Variants in TUSC3 observed in about 807,000 individuals in gnomAD.
The protein encoded by TUSC3 is dolichyl-diphosphooligosaccharide--protein glycosyltransferase subunit TUSC3.
Under a neutral mutation model 44.8 loss-of-function variants are expected in TUSC3, and 45 were observed. That is an observed-to-expected ratio of 1.00 (90% CI 0.79 to 1.29). TUSC3 has a LOEUF of 1.29. Among genes scored for constraint, TUSC3 ranks in the 50% most tolerant of loss-of-function variants. The probability of loss-of-function intolerance (pLI) is 0.00; values close to 1 mark genes in which losing one functional copy is unlikely to be tolerated. For missense variants in TUSC3, 519 were observed against 437.9 expected (o/e 1.19, Z -1.65); for synonymous variants, 212 against 152.9 (o/e 1.39, Z -2.85).
chr8:15,667,436 G>C (rs1455570501), intron 5 of TUSC3, among the ~76,000 whole-genome samples: 1 of 151,592 alleles, frequency 6.6e-6, no homozygotes, highest in Non-Finnish European at 1.5e-5. Flanking sequence ...TGATATGCAT[G>C]TCTGCTGTTA....
At chr8:15,513,713 C>T (rs1801173760) in intron 2 of TUSC3, among the ~76,000 whole-genome samples, 1 of 152,062 alleles carries the variant, frequency 6.6e-6, no homozygotes, top group African/African-American at 2.4e-5. Flanking sequence ...GGTCTACACA[C>T]ATTTTCGCTT....
intron 9 of TUSC3, among the ~76,000 whole-genome samples, chr8:15,753,810 G>A (rs1249722957): frequency 6.6e-6 from 1 of 151,966 alleles, no homozygotes; most frequent in Non-Finnish European, 1.5e-5. Context: ...ACAAAAACCT[G>A]ACAGTACAGG....
intron 1 of TUSC3, among the ~76,000 whole-genome samples, chr8:15,546,927 T>C (rs1801890531): frequency 6.6e-6 from 1 of 151,688 alleles, no homozygotes; most frequent in Non-Finnish European, 1.5e-5. Flanking sequence ...CTTTTTAATG[T>C]TGGAAGGCAC....
chr8:15,778,407 T>G, the TUSC3 span, among the ~76,000 whole-genome samples: 1 of 152,182 alleles, frequency 6.6e-6, no homozygotes, highest in African/African-American at 2.4e-5. Flanking sequence ...TGTTATTGAC[T>G]AATCAGCATC....
chr8:15,673,764 G>A lies in TUSC3; in HGVS notation c.726G>A (p.Met242Ile). ...AMVSLCIVFA[M>I]TSGQMWNHIR... is the part of the protein sequence containing the mutation. Reference sequence around the variant, plus strand: ...TTTTTCAGTGTATAGTCTTTGCTATGACTTCTGGCCAGATGTGGAACCATA... The same window carrying A: ...TTTTTCAGTGTATAGTCTTTGCTATAACTTCTGGCCAGATGTGGAACCATA... Residue 242 changes from methionine (M) to isoleucine (I), a missense_variant, in exon 6 of 11, where the codon ATG becomes ATA. By Grantham distance (10) the Met-to-Ile change is conservative. Coordinates refer to ENST00000503731, the MANE Select transcript of TUSC3 (RefSeq NM_006765.4). 6.2e-7 allele frequency: 1 copy of A among 1,612,734 alleles called. No homozygotes were observed. The highest frequency in any genetic ancestry group is 8.5e-7 in the Non-Finnish European group (1 of 1,179,072).
intron 7 of TUSC3, among the ~76,000 whole-genome samples, chr8:15,737,902 G>A (rs1357766925): frequency 6.6e-6 from 1 of 151,956 alleles, no homozygotes; most frequent in Non-Finnish European, 1.5e-5. Flanking sequence ...TCCCCAAATG[G>A]TAAGTATTAT....
chr8:15,661,642 T>G (rs963493578), intron 4 of TUSC3, among the ~76,000 whole-genome samples: 1 of 152,030 alleles, frequency 6.6e-6, no homozygotes, highest in Non-Finnish European at 1.5e-5. Context: ...TTGGTCCTCC[T>G]TTGTAATTAA....
rs143376839 is a variant in TUSC3 at position 15,571,126 on chromosome 8, G to C, written c.138+30558G>C. ...CTGCCACCACACCTGACTAGTTTTT[G>C]TATTTTTAGTAGAGATGGGGTTTCA... is the stretch of plus-strand genomic sequence containing the variant. On this transcript the variant is annotated intron_variant, in intron 1 of 10. Coordinates refer to ENST00000503731, the MANE Select transcript of TUSC3 (RefSeq NM_006765.4). Among the ~76,000 whole-genome samples the C allele has an allele frequency of 3.9e-3, 589 of 151,480 alleles. 5 individuals are homozygous for C. The highest frequency in any genetic ancestry group is 0.013 in the African/African-American group (557 of 41,354).
the TUSC3 span, among the ~76,000 whole-genome samples, chr8:15,807,708 T>C: frequency 6.6e-6 from 1 of 152,206 alleles, no homozygotes; most frequent in Admixed American, 6.5e-5. Flanking sequence ...GCATGTCCTT[T>C]GCAGCAATGT....
the TUSC3 span, among the ~76,000 whole-genome samples, chr8:15,844,826 C>G: frequency 6.6e-6 from 1 of 152,106 alleles, no homozygotes; most frequent in Non-Finnish European, 1.5e-5. Flanking sequence ...CCTATCTACT[C>G]TAGAATCTCA....
chr8:15,492,890 G>A (rs77687005), intron 2 of TUSC3, among the ~76,000 whole-genome samples: 3,267 of 151,792 alleles, frequency 0.022, 120 homozygotes, highest in African/African-American at 0.073. Context: ...TGATTATCTA[G>A]TGATAATTAT....
At chr8:15,779,312 C>G in the TUSC3 span, among the ~76,000 whole-genome samples, 2 of 152,116 alleles carry the variant, frequency 1.3e-5, no homozygotes, top group Admixed American at 1.3e-4. Flanking sequence ...TAGCAGTCCT[C>G]CCACCTGGGC....
intron 6 of TUSC3, among the ~76,000 whole-genome samples, chr8:15,700,812 C>T (rs903137812): frequency 6.3e-5 from 9 of 143,450 alleles, no homozygotes; most frequent in African/African-American, 8.2e-5. Context: ...GTTTGTTGTC[C>T]CTTTTCTGGT....
chr8:15,746,014 G>A (rs1416963180), intron 8 of TUSC3, among the ~76,000 whole-genome samples: 1 of 152,114 alleles, frequency 6.6e-6, no homozygotes, highest in Non-Finnish European at 1.5e-5. Flanking sequence ...TTATTGGATA[G>A]AGAGTCCTCT....
intron 6 of TUSC3, among the ~76,000 whole-genome samples, chr8:15,698,189 A>G (rs117101810): frequency 1.0e-3 from 157 of 152,344 alleles, no homozygotes; most frequent in Non-Finnish European, 1.3e-3. Context: ...ATAGATGTCT[A>G]GCAAAGCTGC....
At chr8:15,543,130 A>G (rs936567001) in intron 1 of TUSC3, among the ~76,000 whole-genome samples, 1 of 152,210 alleles carries the variant, frequency 6.6e-6, no homozygotes, top group Non-Finnish European at 1.5e-5. Flanking sequence ...TTTTGACAGT[A>G]TGTGGTCTCT....
chr8:15,707,117 A>C (rs1809650701), intron 6 of TUSC3, among the ~76,000 whole-genome samples: 1 of 152,006 alleles, frequency 6.6e-6, no homozygotes, highest in African/African-American at 2.4e-5. Context: ...AAGTCTGTGA[A>C]ACTAACCTAA....
At chr8:15,501,180 G>T (rs967009079) in intron 2 of TUSC3, among the ~76,000 whole-genome samples, 5 of 152,070 alleles carry the variant, frequency 3.3e-5, no homozygotes, top group African/African-American at 9.7e-5. Flanking sequence ...AGACTGCAAG[G>T]TTTCTCTAAC....
chr8:15,748,474 T>G lies in TUSC3; in HGVS notation c.1028+9T>G. ...CACGGCTATCCTTATAGGTAATATC[T>G]TTATACTAACATGAATGTTTTTATT... On this transcript the variant is annotated intron_variant, in intron 9 of 10. Transcript: ENST00000503731. The G allele has an allele frequency of 1.3e-6, 2 of 1,567,996 alleles. No homozygotes were observed. The highest frequency in any genetic ancestry group is 1.8e-6 in the Non-Finnish European group (2 of 1,138,374).
Sources: gnomAD v4.1 joint callset for allele counts (sites outside exome capture counted in the v4.1 genomes callset) on GRCh38, gnomAD v4.1.1 for gene constraint, MANE v1.5 for transcripts, NCBI Gene and HGNC (gene_info 2026-07-23, HGNC 2026-07-21) for gene names.